The following FAAH2 variants were observed in gnomAD, a reference collection of about 807,000 sequenced individuals.
FAAH2 encodes the protein fatty acid amide hydrolase 2, also known as fatty-acid amide hydrolase 2.
In FAAH2, 60 loss-of-function variants were observed where a neutral mutation model predicts 36.9. The observed-to-expected ratio is 1.63, with a 90% CI of 1.32 to 2.02. The LOEUF is 2.02. Among genes scored for constraint, FAAH2 ranks in the 30% most tolerant of loss-of-function variants. The pLI, the probability that FAAH2 is intolerant of heterozygous loss-of-function variation, is 0.00. For missense variants in FAAH2, 689 were observed against 397.5 expected (o/e 1.73, Z -6.23); for synonymous variants, 214 against 143.8 (o/e 1.49, Z -3.49).
At chrX:57,443,041 C>G (rs2056597933) in intron 8 of FAAH2, among the ~76,000 whole-genome samples, 1 of 111,868 alleles carries the variant, frequency 8.9e-6, no homozygotes, top group South Asian at 3.7e-4. Flanking sequence ...CTGCCCTTGA[C>G]ATTGTTTTCC....
At chrX:57,433,904 C>T (rs781072575) in intron 8 of FAAH2, among the ~76,000 whole-genome samples, 3 of 111,119 alleles carry the variant, frequency 2.7e-5, no homozygotes, top group East Asian at 5.7e-4. Flanking sequence ...CCCCTATTCC[C>T]CTGGTTGCTC....
intron 10 of FAAH2, among the ~76,000 whole-genome samples, chrX:57,479,655 C>G (rs968148101): frequency 1.8e-5 from 2 of 111,274 alleles, no homozygotes; most frequent in Non-Finnish European, 3.8e-5. Flanking sequence ...TTTTGAGATA[C>G]GTCCCATCAA....
chrX:57,127,898 G>A, the FAAH2 span, among the ~76,000 whole-genome samples: 8 of 111,482 alleles, frequency 7.2e-5, no homozygotes, highest in African/African-American at 1.3e-4. Context: ...ACTTTTTAAC[G>A]TAAGTGGGAT....
rs2057520918 is a variant in FAAH2, at chrX:57,488,843, G to A, written c.1510G>A (p.Ala504Thr). The change falls in exon 11 of 11, where the codon GCT becomes ACT. Residue 504 changes from alanine to threonine, a missense_variant. Physicochemically the swap from Ala to Thr is moderately conservative, Grantham distance 58 (BLOSUM62 0). Coordinates refer to ENST00000374900, the MANE Select transcript of FAAH2 (RefSeq NM_174912.4). The stretch of plus-strand genomic sequence containing the variant: ...ACTCCCTTTAGGCATCCAGGTTGTG[G>A]CTGGACCCTTTAATGATCATCTGAC... ...KGLPLGIQVV[A>T]GPFNDHLTLA... 2.5e-6 allele frequency: 3 copies of A among 1,209,243 alleles called. No homozygotes were observed. Among genetic ancestry groups the A allele is most frequent in the Admixed American group, 4.4e-5 (2 of 45,605 alleles).
the FAAH2 span, among the ~76,000 whole-genome samples, chrX:57,250,870 CT>C: frequency 9.0e-6 from 1 of 111,105 alleles, no homozygotes; most frequent in Non-Finnish European, 1.9e-5. Flanking sequence ...ATAATCAAAA[CT>C]TTCCCAACAA....
At chrX:57,390,460 G>A (rs1357175964) in intron 7 of FAAH2, among the ~76,000 whole-genome samples, 2 of 111,310 alleles carry the variant, frequency 1.8e-5, no homozygotes, top group African/African-American at 3.3e-5. Flanking sequence ...TTATCCCACA[G>A]GTAATTTTTC....
chrX:57,265,988 G>A, the FAAH2 span, among the ~76,000 whole-genome samples: 3 of 112,070 alleles, frequency 2.7e-5, no homozygotes, highest in Non-Finnish European at 5.6e-5. Flanking sequence ...CCCAGGGGTA[G>A]GGGTGGGCCG....
intron 10 of FAAH2, chrX:57,452,446 C>A (rs1443066350): frequency 7.8e-6 from 3 of 383,789 alleles, no homozygotes; most frequent in Non-Finnish European, 6.6e-6. Context: ...TGGGCTTGGT[C>A]ACCTCCCCAA....
At chrX:57,167,035 C>T in the FAAH2 span, among the ~76,000 whole-genome samples, 1 of 111,556 alleles carries the variant, frequency 9.0e-6, no homozygotes, top group Non-Finnish European at 1.9e-5. Flanking sequence ...TTTATTTACA[C>T]ACAGTGTAGG....
intron 7 of FAAH2, among the ~76,000 whole-genome samples, chrX:57,407,802 G>C (rs1230577801): frequency 8.9e-6 from 1 of 111,751 alleles, no homozygotes; most frequent in African/African-American, 3.2e-5. Context: ...TTAAATCTTC[G>C]ATCCATTTTG....
intron 5 of FAAH2, among the ~76,000 whole-genome samples, chrX:57,374,270 G>A (rs1468081540): frequency 1.8e-5 from 2 of 111,425 alleles, no homozygotes; most frequent in Non-Finnish European, 3.8e-5. Context: ...TATTTTAATG[G>A]GGATTGCATT....
chrX:57,227,030 T>A, the FAAH2 span, among the ~76,000 whole-genome samples: 2 of 111,495 alleles, frequency 1.8e-5, no homozygotes, highest in Admixed American at 9.5e-5. Flanking sequence ...AAGCTATCTA[T>A]TTCATTGGAT....
At chrX:57,374,024 G>T (rs1247483401) in intron 5 of FAAH2, among the ~76,000 whole-genome samples, 1 of 111,193 alleles carries the variant, frequency 9.0e-6, no homozygotes, top group Non-Finnish European at 1.9e-5. Flanking sequence ...AGATCTGTTG[G>T]CTGTAAATAT....
At chrX:57,310,750 G>A in intron 3 of FAAH2, 21 bp downstream of exon 3, 3 of 1,172,282 alleles carry the variant, frequency 2.6e-6, no homozygotes, top group Non-Finnish European at 3.4e-6. Context: ...TTTATTTTTG[G>A]CTACATGAGT....
intron 7 of FAAH2, chrX:57,393,443 T>C: frequency 1.2e-6 from 1 of 845,367 alleles, no homozygotes; most frequent in Non-Finnish European, 1.8e-6. Flanking sequence ...AAATCCCGCC[T>C]CCGTCACTAC....
At chrX:57,241,078 C>T in the FAAH2 span, among the ~76,000 whole-genome samples, 1 of 112,282 alleles carries the variant, frequency 8.9e-6, no homozygotes, top group African/African-American at 3.2e-5. Flanking sequence ...AGCCCTGTCC[C>T]TGCCAACTCC....
the FAAH2 span, among the ~76,000 whole-genome samples, chrX:57,165,539 G>A: frequency 9.2e-6 from 1 of 108,563 alleles, no homozygotes; most frequent in Non-Finnish European, 1.9e-5. Context: ...GGGGACTGTT[G>A]TGGGGTTGGG....
chrX:57,420,727 A>C lies in FAAH2; in HGVS notation c.997-11191A>C, dbSNP rs200392550. ...TACCCTTTATTTCCTTCTCCTGCCT[A>C]ATTGCCCTGGCCAGAACTTCCAACA... On this transcript the variant is annotated intron_variant, in intron 7 of 10. Transcript: ENST00000374900. Among the ~76,000 whole-genome samples the C allele has an allele frequency of 9.6e-3, 1,033 of 107,704 alleles. 44 individuals carry two copies. The highest frequency in any genetic ancestry group is 0.082 in the Admixed American group (816 of 9,899). 93.5% of individuals were successfully genotyped at this position (107,704 alleles called of 115,157 possible). A position where few individuals can be genotyped will look rare whatever the true frequency, so the allele number is the denominator to read the frequency against.
intron 10 of FAAH2, among the ~76,000 whole-genome samples, chrX:57,480,130 A>C (rs1159507917): frequency 2.7e-5 from 3 of 111,432 alleles, no homozygotes; most frequent in African/African-American, 9.8e-5. Context: ...ATAGCTTACC[A>C]ACCAAAAAGA....
Sources: gnomAD v4.1 joint callset for allele counts (sites outside exome capture counted in the v4.1 genomes callset) on GRCh38, gnomAD v4.1.1 for gene constraint, MANE v1.5 for transcripts, NCBI Gene and HGNC (gene_info 2026-07-23, HGNC 2026-07-21) for gene names.